The following OSBPL10 variants were observed in gnomAD, a reference collection of about 807,000 sequenced individuals.
The protein encoded by OSBPL10 is oxysterol-binding protein-related protein 10.
A neutral mutation model predicts 81.7 loss-of-function variants in OSBPL10; 49 were observed. The observed-to-expected ratio is 0.60, with a 90% CI of 0.48 to 0.76. OSBPL10 has a LOEUF of 0.76. Ranked by LOEUF, OSBPL10 falls within the 30% of genes least tolerant of loss-of-function variation. The probability of loss-of-function intolerance (pLI) is 0.00; values close to 1 mark genes in which losing one functional copy is unlikely to be tolerated. For synonymous variants in OSBPL10, 419 were observed against 383.6 expected, an observed-to-expected ratio of 1.09 and a Z score of -1.08; for missense variants, 923 against 987.8, an observed-to-expected ratio of 0.93 and a Z score of 0.88.
chr3:32,060,503 C>T (rs1699747804), intron 1 of OSBPL10, among the ~76,000 whole-genome samples: 1 of 152,216 alleles, frequency 6.6e-6, no homozygotes, highest in Non-Finnish European at 1.5e-5. Context: ...TCACCCACTG[C>T]TTTCCACTTC....
intron 4 of OSBPL10, among the ~76,000 whole-genome samples, chr3:31,828,073 A>G (rs1368863189): frequency 2.6e-5 from 4 of 152,316 alleles, no homozygotes; most frequent in Non-Finnish European, 5.9e-5. Flanking sequence ...ATTATAATAC[A>G]ATAAAGAATA....
rs554412374 is a variant in OSBPL10, at chr3:31,981,047, C to T, written c.133G>A (p.Ala45Thr). The change falls in exon 1 of 12, where the codon GCG becomes ACG. Residue 45 changes from alanine (A) to threonine (T), a missense_variant. Transcript: ENST00000396556. The surrounding 1 kb of genome is among the most constrained non-coding windows in gnomAD (Gnocchi z 4.5). ...CCCCCGCCGCCGAGCCCGGCCGCCG[C>T]CGACCGGCTGGAGACCCCCCGGCCC... ...LAGRGVSSRS[A>T]AAGLGGGGSR... 2.3e-4 allele frequency: 340 copies of T among 1,481,294 alleles called. 2 individuals carry two copies. The African/African-American group carries it at 4.5e-3, about 20-fold the overall frequency. 91.8% of individuals were successfully genotyped at this position (1,481,294 alleles called of 1,614,324 possible). A position where few individuals can be genotyped will look rare whatever the true frequency, so the allele number is the denominator to read the frequency against.
chr3:31,690,842 G>A (rs1365633146), intron 7 of OSBPL10, among the ~76,000 whole-genome samples: 3 of 152,032 alleles, frequency 2.0e-5, no homozygotes, highest in South Asian at 2.1e-4. Context: ...TGGACAAGAT[G>A]TCATACTTTT....
chr3:32,030,653 C>A (rs759153318), intron 2 of OSBPL10: 6 of 1,341,114 alleles, frequency 4.5e-6, no homozygotes, highest in Non-Finnish European at 6.4e-6. Context: ...CTGCTGGAAC[C>A]TATTCCCTAT....
intron 1 of OSBPL10, among the ~76,000 whole-genome samples, chr3:31,929,705 G>A (rs1161829032): frequency 7.3e-5 from 11 of 149,768 alleles, no homozygotes; most frequent in South Asian, 2.1e-4. Context: ...CCGAGATAGC[G>A]CCACTGGACT....
At chr3:31,809,431 A>C (rs1165083833) in intron 4 of OSBPL10, among the ~76,000 whole-genome samples, 2 of 152,200 alleles carry the variant, frequency 1.3e-5, no homozygotes, top group Non-Finnish European at 2.9e-5. Context: ...AACACAAACA[A>C]ACACTTCAGC....
chr3:31,859,523 C>A (rs1359862776), intron 3 of OSBPL10, among the ~76,000 whole-genome samples: 1 of 152,224 alleles, frequency 6.6e-6, no homozygotes, highest in Non-Finnish European at 1.5e-5. Context: ...TGCCACGCTG[C>A]CTCACGAAAT....
intron 1 of OSBPL10, among the ~76,000 whole-genome samples, chr3:32,061,029 C>A (rs1699751923): frequency 1.1e-5 from 1 of 87,652 alleles, no homozygotes; most frequent in South Asian, 4.7e-4. Context: ...TCCCTCGACA[C>A]AATCACCCCT....
At chr3:32,057,730 G>A (rs1699723669) in intron 1 of OSBPL10, among the ~76,000 whole-genome samples, 1 of 152,184 alleles carries the variant, frequency 6.6e-6, no homozygotes, top group Non-Finnish European at 1.5e-5. Flanking sequence ...TAATTCAAAT[G>A]AGATGTGGGT....
At chr3:31,997,351 G>A (rs919917629) in intron 2 of OSBPL10, among the ~76,000 whole-genome samples, 1 of 150,938 alleles carries the variant, frequency 6.6e-6, no homozygotes, top group Admixed American at 6.6e-5. Flanking sequence ...TGCAACCTCC[G>A]CCTCCTGGGT....
chr3:32,028,927 GACACACAC>G lies in OSBPL10; in HGVS notation n.298+17556_298+17563del, dbSNP rs58442955. ...ATTGTTACAGTAGGTAGCTAGTCAG[GACACACAC>G]ACACACACACACACACACACACACA... On this transcript the variant is annotated intron_variant and non_coding_transcript_variant, in intron 2 of 3. Coordinates refer to the OSBPL10 transcript ENST00000479173. 5.3e-3 allele frequency among the ~76,000 whole-genome samples: 561 copies of G among 105,658 alleles called. 1 individual carries two copies. The highest frequency in any genetic ancestry group is 0.025 in the Middle Eastern group (5 of 200). The allele number at this position is 105,658 out of a possible 152,430, so 69.3% of individuals were successfully genotyped here.
At chr3:31,690,779 T>C (rs1211314422) in intron 7 of OSBPL10, among the ~76,000 whole-genome samples, 2 of 152,200 alleles carry the variant, frequency 1.3e-5, no homozygotes, top group East Asian at 1.9e-4. Context: ...GTGTGTTTCA[T>C]TGGAGTTTGT....
At chr3:31,933,858 C>A (rs35395448) in intron 1 of OSBPL10, among the ~76,000 whole-genome samples, 3 of 151,940 alleles carry the variant, frequency 2.0e-5, no homozygotes, top group Admixed American at 6.6e-5. Context: ...ACTCTCTAGG[C>A]CACTTAAACA....
At chr3:32,077,471 A>G (rs1403114405) in exon 1 of OSBPL10, 2 of 152,272 alleles carry the variant, frequency 1.3e-5, no homozygotes, top group Non-Finnish European at 2.9e-5. Flanking sequence ...CTGTTGCAGT[A>G]AAGTGTGATT....
At chr3:32,012,000 C>G (rs1006009125) in intron 2 of OSBPL10, among the ~76,000 whole-genome samples, 1 of 152,176 alleles carries the variant, frequency 6.6e-6, no homozygotes, top group East Asian at 1.9e-4. Context: ...GAGAATGCAA[C>G]AAAGTTGGAA....
At position 31,740,342 on chromosome 3, in the gene OSBPL10, G is replaced by A. The variant is rs1336735379; in HGVS notation, c.941-6931C>T. Among the ~76,000 whole-genome samples, 5 of 151,960 alleles carry A rather than the reference G, an allele frequency of 3.3e-5. No homozygotes were observed. In the South Asian group the frequency reaches 6.2e-4, roughly 19 times the overall value. On this transcript the variant is annotated intron_variant, in intron 5 of 11. Transcript: ENST00000396556. Reference sequence around the variant, plus strand: ...CAGGCATAAGCCACTGTGCCTGGCCGCTATGAATAATATTTCTAAGCATGG... The same window carrying A: ...CAGGCATAAGCCACTGTGCCTGGCCACTATGAATAATATTTCTAAGCATGG...
chr3:31,917,285 G>GTCCC (rs1449467340), intron 1 of OSBPL10, among the ~76,000 whole-genome samples: 5 of 152,146 alleles, frequency 3.3e-5, no homozygotes, highest in Non-Finnish European at 7.3e-5. Context: ...AACCAAATGA[G>GTCCC]AAAGTAATTC....
chr3:31,785,310 TAAAC>T, intron 4 of OSBPL10, among the ~76,000 whole-genome samples: 1 of 152,320 alleles, frequency 6.6e-6, no homozygotes, highest in East Asian at 1.9e-4. Flanking sequence ...TACATATACA[TAAAC>T]TAACTGTAAC....
chr3:31,734,467 G>C (rs1054392697), intron 5 of OSBPL10, among the ~76,000 whole-genome samples: 1 of 152,306 alleles, frequency 6.6e-6, no homozygotes, highest in African/African-American at 2.4e-5. Context: ...GCTGGGTGCA[G>C]TGGCTCATGC....
Sources: gnomAD v4.1 joint callset for allele counts (sites outside exome capture counted in the v4.1 genomes callset) on GRCh38, gnomAD v4.1.1 for gene constraint, Gnocchi (gnomAD v3.1) non-coding constraint, MANE v1.5 for transcripts, NCBI Gene and HGNC (gene_info 2026-07-23, HGNC 2026-07-21) for gene names.